The following IMMP2L variants were observed in gnomAD, a reference collection of about 807,000 sequenced individuals.
IMMP2L encodes the protein mitochondrial inner membrane protease subunit 2.
IMMP2L carries 18 observed loss-of-function variants against 19.3 expected under a neutral mutation model. The observed-to-expected ratio is 0.93, with a 90% CI of 0.64 to 1.38. The LOEUF is 1.38. Ranked by LOEUF, IMMP2L falls within the 40% of genes most tolerant of loss-of-function variation. The pLI, the probability that IMMP2L is intolerant of heterozygous loss-of-function variation, is 0.00. For synonymous variants in IMMP2L, 76 were observed against 73.0 expected (o/e 1.04, Z -0.21); for missense variants, 233 against 218.2 (o/e 1.07, Z -0.43).
intron 3 of IMMP2L, among the ~76,000 whole-genome samples, chr7:111,426,668 T>C (rs1183702376): frequency 6.6e-6 from 1 of 151,330 alleles, no homozygotes; most frequent in Non-Finnish European, 1.5e-5. Flanking sequence ...GGCATGTGGC[T>C]GGTCACATTT....
chr7:111,405,322 C>T (rs900636657), intron 3 of IMMP2L, among the ~76,000 whole-genome samples: 3 of 152,018 alleles, frequency 2.0e-5, no homozygotes, highest in African/African-American at 7.2e-5. Context: ...CAGAGACCAG[C>T]TAAAAGTTCA....
At chr7:110,971,727 T>C (rs970350369) in intron 3 of IMMP2L, among the ~76,000 whole-genome samples, 2 of 152,168 alleles carry the variant, frequency 1.3e-5, no homozygotes, top group Non-Finnish European at 2.9e-5. Context: ...AATAAAGTTA[T>C]ATATTTTTGC....
At chr7:111,155,444 T>C (rs1032893282) in intron 3 of IMMP2L, among the ~76,000 whole-genome samples, 1 of 152,126 alleles carries the variant, frequency 6.6e-6, no homozygotes, top group Non-Finnish European at 1.5e-5. Flanking sequence ...GGTAGGCATT[T>C]TCCTTCTTGG....
Position 110,867,618 on chromosome 7 carries a change from T to A in IMMP2L, c.408+18975A>T, listed in dbSNP as rs1310558925. 3.3e-5 allele frequency among the ~76,000 whole-genome samples: 5 copies of A among 152,116 alleles called. No homozygotes were observed. The East Asian group carries it at 9.7e-4, about 30-fold the overall frequency. The stretch of plus-strand genomic sequence containing the variant: ...CCCACGTATTTTTTTTTTGATAAGT[T>A]TCTGTGAATTTAACTACCCTTGAGC... On this transcript the variant is annotated intron_variant, in intron 5 of 5. Coordinates refer to ENST00000405709, the MANE Select transcript of IMMP2L (RefSeq NM_032549.4).
Position 110,662,816 on chromosome 7 carries a change from C to A in IMMP2L, c.*786G>T, listed in dbSNP as rs1392801334. Among the ~76,000 whole-genome samples the A allele has an allele frequency of 6.6e-6, 1 of 152,126 alleles. No individual in the cohort carries two copies. The highest frequency in any genetic ancestry group is 1.5e-5 in the Non-Finnish European group (1 of 68,014). On this transcript the variant is annotated 3_prime_UTR_variant, in exon 6 of 6. Transcript: ENST00000405709. ...GTTTTTTCTTCTATTTCACTCAGAA[C>A]TTTTAAACACATAGTATGACTAAAT...
chr7:110,860,171 T>C (rs1264176010), intron 5 of IMMP2L, among the ~76,000 whole-genome samples: 3 of 152,056 alleles, frequency 2.0e-5, no homozygotes, highest in South Asian at 4.1e-4. Flanking sequence ...TTGTGGAATA[T>C]ATAAAGCCAA....
intron 3 of IMMP2L, among the ~76,000 whole-genome samples, chr7:111,344,194 G>C (rs896398329): frequency 2.0e-5 from 3 of 152,008 alleles, no homozygotes; most frequent in Non-Finnish European, 4.4e-5. Context: ...TTAATGATCT[G>C]ATTTCTACTG....
intron 3 of IMMP2L, among the ~76,000 whole-genome samples, chr7:111,313,228 A>C (rs1024550181): frequency 5.3e-5 from 8 of 152,202 alleles, no homozygotes; most frequent in Admixed American, 4.6e-4. Context: ...GCTGAAGTAC[A>C]CCATCCAATA....
rs529610042 is a variant in IMMP2L at position 111,180,452 on chromosome 7, A to G, written c.240-216887T>C. ...TTGTCAATTCAACTTGCCATCTTAC[A>G]TGGGTGAGGTTTGTGGTGCCCTGAA... is the stretch of plus-strand genomic sequence containing the variant. On this transcript the variant is annotated intron_variant, in intron 3 of 5. Coordinates refer to ENST00000405709, the MANE Select transcript of IMMP2L (RefSeq NM_032549.4). 5.9e-5 allele frequency among the ~76,000 whole-genome samples: 9 copies of G among 152,152 alleles called. No homozygotes were observed. The South Asian group carries it at 1.5e-3, about 25-fold the overall frequency.
intron 3 of IMMP2L, among the ~76,000 whole-genome samples, chr7:111,219,779 T>A (rs13437741): frequency 0.025 from 3,744 of 151,788 alleles, 162 homozygotes; most frequent in African/African-American, 0.086. Flanking sequence ...TTAATCATGT[T>A]TTTTTACCTT....
intron 5 of IMMP2L, among the ~76,000 whole-genome samples, chr7:110,866,529 C>A (rs544041548): frequency 6.6e-6 from 1 of 151,956 alleles, no homozygotes; most frequent in South Asian, 2.1e-4. Context: ...CTTGGTAGCA[C>A]ATCAGGGCCC....
At chr7:110,892,469 C>T (rs1810904444) in intron 4 of IMMP2L, among the ~76,000 whole-genome samples, 1 of 152,132 alleles carries the variant, frequency 6.6e-6, no homozygotes, top group Non-Finnish European at 1.5e-5. Flanking sequence ...TGCTCTGTGA[C>T]CCAACCCTCC....
At chr7:111,367,479 CT>C (rs111245318) in intron 3 of IMMP2L, among the ~76,000 whole-genome samples, 104 of 145,162 alleles carry the variant, frequency 7.2e-4, no homozygotes, top group Admixed American at 8.3e-4. Context: ...AGCAAAAAGG[CT>C]TTTTTTTTTT....
intron 3 of IMMP2L, among the ~76,000 whole-genome samples, chr7:111,061,277 T>A (rs895266637): frequency 6.6e-6 from 1 of 152,122 alleles, no homozygotes; most frequent in African/African-American, 2.4e-5. Flanking sequence ...GACTGGCTAG[T>A]GAGCCATATA....
At chr7:110,911,506 A>C (rs1585234485) in intron 4 of IMMP2L, among the ~76,000 whole-genome samples, 1 of 152,242 alleles carries the variant, frequency 6.6e-6, no homozygotes, top group Admixed American at 6.5e-5. Context: ...TCTTTGTTTA[A>C]ATAGTACATT....
At chr7:111,405,719 T>C (rs1833850407) in intron 3 of IMMP2L, among the ~76,000 whole-genome samples, 2 of 152,094 alleles carry the variant, frequency 1.3e-5, no homozygotes, top group African/African-American at 4.8e-5. Context: ...AACCTCTAAG[T>C]GTTGGACTAC....
chr7:111,316,899 G>T (rs142911444), intron 3 of IMMP2L, among the ~76,000 whole-genome samples: 307 of 138,396 alleles, frequency 2.2e-3, no homozygotes, highest in African/African-American at 7.1e-3. Flanking sequence ...CGCCAGACTG[G>T]AGTGCAGTGG....
intron 4 of IMMP2L, among the ~76,000 whole-genome samples, chr7:110,952,679 T>C (rs2129554334): frequency 6.6e-6 from 1 of 152,270 alleles, no homozygotes; most frequent in Non-Finnish European, 1.5e-5. Flanking sequence ...TAAAGCTGGA[T>C]TAGTCATCCT....
chr7:110,759,607 C>A (rs903933864), intron 5 of IMMP2L, among the ~76,000 whole-genome samples: 1 of 152,080 alleles, frequency 6.6e-6, no homozygotes, highest in Admixed American at 6.6e-5. Flanking sequence ...GGAACACATT[C>A]TTGACTAGGC....
Sources: allele counts gnomAD v4.1 joint callset (sites outside exome capture counted in the v4.1 genomes callset), GRCh38; gene constraint gnomAD v4.1.1; transcripts MANE v1.5; gene names NCBI Gene and HGNC (gene_info 2026-07-23, HGNC 2026-07-21).